Variants in PACRG observed in about 807,000 individuals in gnomAD.
PACRG encodes parkin coregulated gene protein.
A neutral mutation model predicts 29.7 loss-of-function variants in PACRG; 29 were observed. The ratio of observed to expected loss-of-function variants is 0.98; its 90% CI spans 0.73 to 1.33. PACRG has a LOEUF of 1.33. PACRG is among the 40% of genes most tolerant of loss of function. The probability of loss-of-function intolerance (pLI) is 0.00; values close to 1 mark genes in which losing one functional copy is unlikely to be tolerated. For missense variants in PACRG, 279 were observed against 316.2 expected (o/e 0.88, Z 0.89); for synonymous variants, 116 against 118.7 (o/e 0.98, Z 0.15).
At chr6:163,142,852 C>A (rs538250353) in intron 4 of PACRG, among the ~76,000 whole-genome samples, 1 of 152,202 alleles carries the variant, frequency 6.6e-6, no homozygotes, top group Non-Finnish European at 1.5e-5. Context: ...CAGACAAACC[C>A]AACTGAAGAA....
intron 2 of PACRG, among the ~76,000 whole-genome samples, chr6:162,916,828 C>T (rs914682100): frequency 2.6e-5 from 4 of 151,820 alleles, no homozygotes; most frequent in African/African-American, 4.8e-5. Flanking sequence ...AGTCAAGAGA[C>T]GCAATGATGA....
intron 4 of PACRG, among the ~76,000 whole-genome samples, chr6:163,197,296 A>C (rs754984504): frequency 1.3e-5 from 2 of 152,084 alleles, no homozygotes; most frequent in Non-Finnish European, 2.9e-5. Flanking sequence ...GTACACATCT[A>C]TTTTGAAATC....
At chr6:163,097,379 G>A (rs1433459514) in intron 4 of PACRG, among the ~76,000 whole-genome samples, 1 of 152,206 alleles carries the variant, frequency 6.6e-6, no homozygotes, top group African/African-American at 2.4e-5. Context: ...TTCTGGACCA[G>A]TGGCAAATGT....
Position 163,291,171 on chromosome 6 carries a change from GACCC to G in PACRG, c.614-23655_614-23652del, listed in dbSNP as rs1562362115. Among the ~76,000 whole-genome samples the G allele has an allele frequency of 5.2e-4, 77 of 148,702 alleles. 2 individuals are homozygous for G. The highest frequency in any genetic ancestry group is 1.8e-3 in the African/African-American group (74 of 40,086). On this transcript the variant is annotated intron_variant, in intron 4 of 4. Transcript: ENST00000366888. ...TGGCCTGCGGGTCACCCTGCAAGAT[GACCC>G]TCTGCCTGCCCGAGCTGGCCTGCGG...
intron 2 of PACRG, among the ~76,000 whole-genome samples, chr6:162,835,371 T>A (rs1306015222): frequency 6.6e-6 from 1 of 152,126 alleles, no homozygotes; most frequent in Non-Finnish European, 1.5e-5. Context: ...TATGATCTGG[T>A]CCTTCTCCCT....
chr6:162,968,380 A>G (rs1031463351), intron 2 of PACRG, among the ~76,000 whole-genome samples: 1 of 152,220 alleles, frequency 6.6e-6, no homozygotes, highest in African/African-American at 2.4e-5. Flanking sequence ...ATATTGTCAA[A>G]CAAAAAAATC....
chr6:162,955,538 A>G (rs369627337), intron 2 of PACRG, among the ~76,000 whole-genome samples: 17 of 152,132 alleles, frequency 1.1e-4, no homozygotes, highest in African/African-American at 3.6e-4. Flanking sequence ...TGACCTCGTT[A>G]TCCACCCACC....
At chr6:163,186,727 CTG>C (rs1779954956) in intron 4 of PACRG, among the ~76,000 whole-genome samples, 1 of 152,202 alleles carries the variant, frequency 6.6e-6, no homozygotes, top group Non-Finnish European at 1.5e-5. Flanking sequence ...AAACATGAGG[CTG>C]TTCCTTTGCT....
At chr6:163,287,108 T>C (rs563406895) in intron 4 of PACRG, among the ~76,000 whole-genome samples, 1 of 152,282 alleles carries the variant, frequency 6.6e-6, no homozygotes, top group South Asian at 2.1e-4. Flanking sequence ...AGTTTGCACC[T>C]AACTTTTAAA....
chr6:162,861,317 G>A (rs1368529468), intron 2 of PACRG, among the ~76,000 whole-genome samples: 5 of 152,084 alleles, frequency 3.3e-5, no homozygotes, highest in Non-Finnish European at 7.4e-5. Flanking sequence ...TCACTCATAG[G>A]TGAGCCTTAG....
At chr6:163,149,923 T>A (rs1423419608) in intron 4 of PACRG, among the ~76,000 whole-genome samples, 2 of 152,192 alleles carry the variant, frequency 1.3e-5, no homozygotes, top group Non-Finnish European at 2.9e-5. Flanking sequence ...TGCCTGGGAC[T>A]CCTCCCGCCC....
chr6:162,911,053 G>T (rs1796264934), intron 2 of PACRG, among the ~76,000 whole-genome samples: 1 of 152,200 alleles, frequency 6.6e-6, no homozygotes, highest in Non-Finnish European at 1.5e-5. Context: ...TTAGACAATT[G>T]TTGAGTAGGA....
rs1784895934 is a variant in PACRG at position 162,791,089 on chromosome 6, G to T, written c.157-23058G>T. On this transcript the variant is annotated intron_variant, in intron 1 of 4. Coordinates refer to ENST00000366888, the MANE Select transcript of PACRG (RefSeq NM_001080379.2). ...TACTGTAGTTAGGTAGAATTAGGAT[G>T]TTGCTTTCAATTTATGTATGTGATG... 2.6e-5 allele frequency among the ~76,000 whole-genome samples: 4 copies of T among 152,182 alleles called. No individual in the cohort carries two copies. The South Asian group carries it at 8.3e-4, about 31-fold the overall frequency.
At chr6:163,249,846 G>A (rs1782835626) in intron 4 of PACRG, among the ~76,000 whole-genome samples, 1 of 152,184 alleles carries the variant, frequency 6.6e-6, no homozygotes, top group Non-Finnish European at 1.5e-5. Context: ...AAATTGGAGT[G>A]TCTTTTATGC....
At chr6:163,030,423 T>C (rs551945610) in intron 2 of PACRG, among the ~76,000 whole-genome samples, 15 of 152,304 alleles carry the variant, frequency 9.8e-5, no homozygotes, top group African/African-American at 3.4e-4. Context: ...TTCCTAGTGA[T>C]TTCAAGTTGG....
intron 1 of PACRG, among the ~76,000 whole-genome samples, chr6:162,742,586 T>C (rs1780684209): frequency 6.6e-6 from 1 of 152,210 alleles, no homozygotes; most frequent in South Asian, 2.1e-4. Flanking sequence ...CATAGTGTCA[T>C]AAATGACAGG....
At chr6:163,265,388 C>G (rs1783492734) in intron 4 of PACRG, among the ~76,000 whole-genome samples, 1 of 152,064 alleles carries the variant, frequency 6.6e-6, no homozygotes, top group Non-Finnish European at 1.5e-5. Flanking sequence ...CTCCCTTCTT[C>G]TCCAGGGAAG....
At chr6:163,039,330 T>G (rs903038388) in intron 2 of PACRG, among the ~76,000 whole-genome samples, 1 of 152,192 alleles carries the variant, frequency 6.6e-6, no homozygotes, top group Non-Finnish European at 1.5e-5. Flanking sequence ...CAGCCTCAAG[T>G]AGTATCTTTA....
chr6:163,218,000 C>A (rs899367244), intron 4 of PACRG, among the ~76,000 whole-genome samples: 2 of 152,152 alleles, frequency 1.3e-5, no homozygotes, highest in Admixed American at 6.5e-5. Context: ...GACACTGGTC[C>A]ATGGAAAAAT....
Sources: allele counts gnomAD v4.1 joint callset (sites outside exome capture counted in the v4.1 genomes callset), GRCh38; gene constraint gnomAD v4.1.1; transcripts MANE v1.5; gene names NCBI Gene and HGNC (gene_info 2026-07-23, HGNC 2026-07-21).